PRELID2: variants seen among roughly 807,000 people sequenced by gnomAD.
PRELID2 encodes the protein PRELI domain containing 2, also known as PRELI domain-containing protein 2.
Under a neutral mutation model 28.4 loss-of-function variants are expected in PRELID2, and 25 were observed. That is an observed-to-expected ratio of 0.88 (90% CI 0.64 to 1.23). The LOEUF is 1.23. PRELID2 is among the 50% of genes most tolerant of loss of function. PRELID2 has a pLI of 0.00. For missense variants in PRELID2, 201 were observed against 214.4 expected, an observed-to-expected ratio of 0.94 and a Z score of 0.39; for synonymous variants, 76 against 71.6, an observed-to-expected ratio of 1.06 and a Z score of -0.31.
At chr5:145,280,435 A>C in the PRELID2 span, among the ~76,000 whole-genome samples, 2 of 152,262 alleles carry the variant, frequency 1.3e-5, no homozygotes. Flanking sequence ...GGCGTGCATT[A>C]ACTGAAAAAT....
At chr5:145,559,836 TAA>T (rs59361990) in intron 1 of PRELID2, among the ~76,000 whole-genome samples, 17,950 of 142,112 alleles carry the variant, frequency 0.13, 1,170 homozygotes, top group African/African-American at 0.16. Flanking sequence ...TAAAAAGAGG[TAA>T]AAAAAAAAAA....
intron 1 of PRELID2, among the ~76,000 whole-genome samples, chr5:145,535,312 T>C (rs1752690254): frequency 1.3e-5 from 2 of 151,954 alleles, no homozygotes; most frequent in South Asian, 4.1e-4. Context: ...ATCACTATTA[T>C]ACTGTAGCCC....
chr5:145,361,143 C>T, the PRELID2 span, among the ~76,000 whole-genome samples: 3 of 152,138 alleles, frequency 2.0e-5, no homozygotes, highest in African/African-American at 7.2e-5. Context: ...TTCTTACATT[C>T]CTGCCATAGT....
the PRELID2 span, among the ~76,000 whole-genome samples, chr5:145,349,998 G>A: frequency 1.3e-5 from 2 of 152,154 alleles, no homozygotes; most frequent in Non-Finnish European, 2.9e-5. Flanking sequence ...GCCTATTGGA[G>A]GGGTAACCAT....
chr5:145,581,574 T>C (rs1370339804), intron 1 of PRELID2, among the ~76,000 whole-genome samples: 2 of 152,052 alleles, frequency 1.3e-5, no homozygotes, highest in African/African-American at 4.8e-5. Context: ...TATTTCTGAG[T>C]TGATGCATTG....
At chr5:145,354,019 C>T in the PRELID2 span, among the ~76,000 whole-genome samples, 1 of 152,166 alleles carries the variant, frequency 6.6e-6, no homozygotes, top group Non-Finnish European at 1.5e-5. Flanking sequence ...CTCAGAAGTT[C>T]AAGTCCCTGG....
At chr5:145,361,977 C>T in the PRELID2 span, among the ~76,000 whole-genome samples, 1 of 152,174 alleles carries the variant, frequency 6.6e-6, no homozygotes, top group African/African-American at 2.4e-5. Context: ...CACCTTATAG[C>T]TCTTCTGCAC....
the PRELID2 span, among the ~76,000 whole-genome samples, chr5:145,363,021 TC>T: frequency 6.6e-6 from 1 of 151,256 alleles, no homozygotes; most frequent in Non-Finnish European, 1.5e-5. Flanking sequence ...TAAATCTGAT[TC>T]TTTTTTCTTC....
the PRELID2 span, among the ~76,000 whole-genome samples, chr5:145,243,727 T>C: frequency 2.0e-5 from 3 of 152,118 alleles, no homozygotes; most frequent in Admixed American, 2.0e-4. Context: ...AATTAAGGTT[T>C]ACAGAATTGC....
the PRELID2 span, among the ~76,000 whole-genome samples, chr5:145,336,558 A>C: frequency 6.6e-6 from 1 of 152,096 alleles, no homozygotes; most frequent in African/African-American, 2.4e-5. Context: ...TGTTTTTCTC[A>C]GGTTTGTCAA....
In PRELID2 at chr5:145,473,203, G is replaced by A. The variant is rs528358324; in HGVS notation, n.183C>T. 7.9e-5 allele frequency: 12 copies of A among 152,204 alleles called. No homozygotes were observed. In the South Asian group the frequency reaches 8.3e-4, roughly 11 times the overall value. The allele number at this position is 152,204 out of a possible 1,614,324, so 9.4% of individuals were successfully genotyped here. On this transcript the variant is annotated non_coding_transcript_exon_variant, in exon 2 of 3. Transcript: ENST00000510259. ...AGAATGCTTTGCAACAACTTACCAC[G>A]GTAAAGAACATGGGTTTTGGATCCA...
the PRELID2 span, among the ~76,000 whole-genome samples, chr5:145,347,028 A>G: frequency 3.3e-5 from 5 of 152,120 alleles, no homozygotes; most frequent in Middle Eastern, 3.2e-3. Flanking sequence ...TAAAGCTTCT[A>G]TGTGTGTATC....
chr5:145,536,757 T>G (rs550432379), intron 1 of PRELID2, among the ~76,000 whole-genome samples: 3 of 151,970 alleles, frequency 2.0e-5, no homozygotes, highest in South Asian at 4.1e-4. Context: ...GACATAGTAT[T>G]TTTTCAAGGC....
intron 1 of PRELID2, among the ~76,000 whole-genome samples, chr5:145,517,075 G>A (rs1752523691): frequency 6.6e-6 from 1 of 152,100 alleles, no homozygotes; most frequent in Non-Finnish European, 1.5e-5. Context: ...ACACAGGCAT[G>A]AGCAAAGACT....
At chr5:145,516,268 A>C (rs996457329) in intron 1 of PRELID2, among the ~76,000 whole-genome samples, 2 of 152,220 alleles carry the variant, frequency 1.3e-5, no homozygotes, top group Non-Finnish European at 2.9e-5. Context: ...AAATCTCCTC[A>C]AGCTGATAAG....
chr5:145,284,716 C>T, the PRELID2 span, among the ~76,000 whole-genome samples: 1 of 152,040 alleles, frequency 6.6e-6, no homozygotes, highest in Non-Finnish European at 1.5e-5. Context: ...TTCTCCTACC[C>T]TCAATCCTAA....
intron 1 of PRELID2, among the ~76,000 whole-genome samples, chr5:145,564,668 T>C (rs750812562): frequency 7.9e-5 from 12 of 152,230 alleles, no homozygotes; most frequent in Non-Finnish European, 1.5e-4. Context: ...GGACTTCATG[T>C]GAGCAGAAGC....
chr5:145,824,177 C>G (rs759637062), intron 1 of PRELID2, among the ~76,000 whole-genome samples: 59 of 152,200 alleles, frequency 3.9e-4, no homozygotes, highest in Non-Finnish European at 7.6e-4. Context: ...CTGACCAAAG[C>G]CTACTGAGCC....
rs563872606 is a variant in PRELID2 at position 145,523,263 on chromosome 5, GA to G, written n.71-49949del. ...CATCATCTAACAGATGCAATCGGAGGAAAAAACACTTCTAAGTTATTATTTT... is the reference window on the plus strand; with the variant it reads ...CATCATCTAACAGATGCAATCGGAGGAAAAACACTTCTAAGTTATTATTTT... On this transcript the variant is annotated intron_variant and non_coding_transcript_variant, in intron 1 of 2. Transcript: ENST00000510259. Among the ~76,000 whole-genome samples, 41 of 152,010 alleles carry G rather than the reference GA, an allele frequency of 2.7e-4. 1 individual carries two copies. In the South Asian group the frequency reaches 8.1e-3, roughly 30 times the overall value.
Sources: gnomAD v4.1 joint callset for allele counts (sites outside exome capture counted in the v4.1 genomes callset) on GRCh38, gnomAD v4.1.1 for gene constraint, MANE v1.5 for transcripts, NCBI Gene and HGNC (gene_info 2026-07-23, HGNC 2026-07-21) for gene names.